Variants in KCNK5 observed in about 807,000 individuals in gnomAD.
KCNK5 encodes the protein potassium two pore domain channel subfamily K member 5.
A neutral mutation model predicts 32.9 loss-of-function variants in KCNK5; 18 were observed. The ratio of observed to expected loss-of-function variants is 0.55; its 90% CI spans 0.38 to 0.81. The LOEUF is 0.81. Among genes scored for constraint, KCNK5 ranks in the 30% least tolerant of loss-of-function variants. KCNK5 has a pLI of 0.00. For missense variants in KCNK5, 507 were observed against 651.0 expected, an observed-to-expected ratio of 0.78 and a Z score of 2.41; for synonymous variants, 276 against 275.3, an observed-to-expected ratio of 1.00 and a Z score of -0.03.
intron 1 of KCNK5, among the ~76,000 whole-genome samples, chr6:39,214,568 G>A (rs1204454633): frequency 6.6e-6 from 1 of 152,184 alleles, no homozygotes; most frequent in Non-Finnish European, 1.5e-5. Flanking sequence ...AGAGAAACAC[G>A]GCTTCATGGT....
chr6:39,213,577 C>G (rs1200521464), intron 1 of KCNK5, among the ~76,000 whole-genome samples: 1 of 152,132 alleles, frequency 6.6e-6, no homozygotes, highest in Non-Finnish European at 1.5e-5. Flanking sequence ...CCAGAGCCCA[C>G]CAGTTCAATA....
intron 1 of KCNK5, among the ~76,000 whole-genome samples, chr6:39,222,010 C>T (rs1390580068): frequency 6.6e-6 from 1 of 152,180 alleles, no homozygotes; most frequent in Non-Finnish European, 1.5e-5. Flanking sequence ...AGGGAGGGCC[C>T]GTTCTGTGTT....
At chr6:39,213,217 TA>T (rs1771371361) in intron 1 of KCNK5, among the ~76,000 whole-genome samples, 1 of 152,226 alleles carries the variant, frequency 6.6e-6, no homozygotes, top group Non-Finnish European at 1.5e-5. Flanking sequence ...TGGAAGTGGG[TA>T]ATGGTACATG....
rs758387678 is a variant in KCNK5, at chr6:39,229,071, A to G, written c.41T>C (p.Phe14Ser). Reference sequence around the variant, plus strand: ...GATCGCCGCCCCGATGGCCAGGTAGAAGATGATGGCCGAGGTGAGCAGAGG... The same window carrying G: ...GATCGCCGCCCCGATGGCCAGGTAGGAGATGATGGCCGAGGTGAGCAGAGG... Reference protein sequence around the residue: ...RGPLLTSAIIFYLAIGAAIFE... With the variant: ...RGPLLTSAIISYLAIGAAIFE... Residue 14 changes from phenylalanine to serine, a missense_variant, in exon 1 of 5, where the codon TTC (phenylalanine) becomes TCC (serine). Coordinates refer to ENST00000359534, the MANE Select transcript of KCNK5 (RefSeq NM_003740.4). The G allele has an allele frequency of 9.9e-6, 16 of 1,614,146 alleles. No individual in the cohort carries two copies. The South Asian group carries it at 1.8e-4, about 18-fold the overall frequency.
In KCNK5 at chr6:39,194,556, C is replaced by A; in HGVS notation, c.465+38G>T. 1 of 1,606,428 alleles carries A rather than the reference C, an allele frequency of 6.2e-7. No homozygotes were observed. Among genetic ancestry groups the A allele is most frequent in the Non-Finnish European group, 8.5e-7 (1 of 1,174,356 alleles). ...TGTCCTCCCCTCACCTGTCATGGTT[C>A]CCCCATCTCTGCCCAACACCCAGGG... On this transcript the variant is annotated intron_variant, in intron 3 of 4. Coordinates refer to ENST00000359534, the MANE Select transcript of KCNK5 (RefSeq NM_003740.4). This position sits in a 1 kb window ranked among gnomAD's most constrained non-coding sequence, Gnocchi z 4.7.
chr6:39,190,727 A>C lies in KCNK5; in HGVS notation c.*163T>G. 1.6e-6 allele frequency: 1 copy of C among 614,106 alleles called. No individual in the cohort carries two copies. The allele number at this position is 614,106 out of a possible 1,614,324, so 38.0% of individuals were successfully genotyped here. ...AGAACAGAGGCCCTGTCCCGGGCATACATCTAGCTGAGGATGATGGAAGGT... is the reference window on the plus strand; with the variant it reads ...AGAACAGAGGCCCTGTCCCGGGCATCCATCTAGCTGAGGATGATGGAAGGT... On this transcript the variant is annotated 3_prime_UTR_variant, in exon 5 of 5. Coordinates refer to ENST00000359534, the MANE Select transcript of KCNK5 (RefSeq NM_003740.4).
intron 1 of KCNK5, among the ~76,000 whole-genome samples, chr6:39,211,104 A>G (rs1771329576): frequency 6.6e-6 from 1 of 152,088 alleles, no homozygotes; most frequent in African/African-American, 2.4e-5. Flanking sequence ...GATAGTTTTC[A>G]CCCTAAGAAG....
intron 1 of KCNK5, among the ~76,000 whole-genome samples, chr6:39,211,366 C>T (rs891087531): frequency 6.6e-6 from 1 of 152,234 alleles, no homozygotes; most frequent in Admixed American, 6.5e-5. Context: ...GCAAGGCAAT[C>T]ACACGGCTTG....
chr6:39,207,798 A>G (rs1268361825), intron 1 of KCNK5, among the ~76,000 whole-genome samples: 1 of 152,134 alleles, frequency 6.6e-6, no homozygotes, highest in Non-Finnish European at 1.5e-5. Flanking sequence ...TGTGGCTGCC[A>G]GTCCTGTTCT....
chr6:39,213,573 C>T (rs1045731935), intron 1 of KCNK5, among the ~76,000 whole-genome samples: 2 of 152,280 alleles, frequency 1.3e-5, no homozygotes, highest in East Asian at 3.9e-4. Context: ...CAGGCCAGAG[C>T]CCACCAGTTC....
At position 39,229,137 on chromosome 6, in the gene KCNK5, G is replaced by C. The variant is rs760785299; in HGVS notation, c.-26C>G. ...GGCTCCCGAGCGGCCGCCTCCTAGAGAAAGCCTCTCCTAGCCCCAGCTGCT... is the reference window on the plus strand; with the variant it reads ...GGCTCCCGAGCGGCCGCCTCCTAGACAAAGCCTCTCCTAGCCCCAGCTGCT... On this transcript the variant is annotated 5_prime_UTR_variant, in exon 1 of 5. Transcript: ENST00000359534. 1 of 1,612,110 alleles carries C rather than the reference G, an allele frequency of 6.2e-7. No individual in the cohort carries two copies. The highest frequency in any genetic ancestry group is 8.5e-7 in the Non-Finnish European group (1 of 1,179,248).
At chr6:39,209,120 G>A (rs1771281655) in intron 1 of KCNK5, among the ~76,000 whole-genome samples, 2 of 152,072 alleles carry the variant, frequency 1.3e-5, no homozygotes, top group South Asian at 2.1e-4. Flanking sequence ...GTATTTAGGA[G>A]TATTACCCTA....
rs183579263 is a variant in KCNK5, at chr6:39,215,648, C to T, written c.186+13278G>A. On this transcript the variant is annotated intron_variant, in intron 1 of 4. Transcript: ENST00000359534. ...CCAAGCCATGTGGGCAAGACTAAAGCGATACCCTCCCAAGGTGCAGACCAC... is the reference window on the plus strand; with the variant it reads ...CCAAGCCATGTGGGCAAGACTAAAGTGATACCCTCCCAAGGTGCAGACCAC... Among the ~76,000 whole-genome samples, 47 of 152,330 alleles carry T rather than the reference C, an allele frequency of 3.1e-4. 3 individuals are homozygous for T. Among genetic ancestry groups the T allele is most frequent in the African/African-American group, 1.1e-3 (44 of 41,578 alleles).
Position 39,194,817 on chromosome 6 carries a change from T to C in KCNK5, c.299-57A>G. The C allele has an allele frequency of 4.1e-6, 6 of 1,470,268 alleles. No homozygotes were observed. The highest frequency in any genetic ancestry group is 4.7e-6 in the Non-Finnish European group (5 of 1,054,070). 91.1% of individuals were successfully genotyped at this position (1,470,268 alleles called of 1,614,324 possible). A position where few individuals can be genotyped will look rare whatever the true frequency, so the allele number is the denominator to read the frequency against. The stretch of plus-strand genomic sequence containing the variant: ...GAGGGGTGGTCAAACCAGTGGGCCT[T>C]GCTTCCAACACACACACAGCCCGTT... On this transcript the variant is annotated intron_variant, in intron 2 of 4. Transcript: ENST00000359534. This position sits in a 1 kb window ranked among gnomAD's most constrained non-coding sequence, Gnocchi z 4.7.
intron 1 of KCNK5, among the ~76,000 whole-genome samples, chr6:39,219,765 AACTGAGCAAGACTGAAATCCACACACTC>A (rs1771507445): frequency 6.6e-6 from 1 of 152,136 alleles, no homozygotes; most frequent in Non-Finnish European, 1.5e-5. Flanking sequence ...GGACACAACA[AACTGAGCAAGACTGAAATCCACACACTC>A]ACTGAGCATC....
At chr6:39,221,956 C>T (rs1771559521) in intron 1 of KCNK5, among the ~76,000 whole-genome samples, 1 of 152,210 alleles carries the variant, frequency 6.6e-6, no homozygotes, top group African/African-American at 2.4e-5. Context: ...GTTAAAGACT[C>T]TCCAATATCT....
In KCNK5 at chr6:39,194,907, C is replaced by G; in HGVS notation, c.299-147G>C. On this transcript the variant is annotated intron_variant, in intron 2 of 4. Coordinates refer to ENST00000359534, the MANE Select transcript of KCNK5 (RefSeq NM_003740.4). This position sits in a 1 kb window ranked among gnomAD's most constrained non-coding sequence, Gnocchi z 4.7. Reference sequence around the variant, plus strand: ...AGTAATGATATTTCCCTTGATCATACTCTGATCATGATCATTGATAAAGCA... The same window carrying G: ...AGTAATGATATTTCCCTTGATCATAGTCTGATCATGATCATTGATAAAGCA... The G allele has an allele frequency of 1.4e-6, 1 of 695,784 alleles. No individual in the cohort carries two copies. Among genetic ancestry groups the G allele is most frequent in the Non-Finnish European group, 2.5e-6 (1 of 408,012 alleles). The allele number at this position is 695,784 out of a possible 1,614,324, so 43.1% of individuals were successfully genotyped here.
chr6:39,212,237 C>A (rs115459741), intron 1 of KCNK5, among the ~76,000 whole-genome samples: 6,779 of 152,302 alleles, frequency 0.045, 192 homozygotes, highest in South Asian at 0.1. Context: ...TAGCAGTGTG[C>A]CAAGATGGCA....
At chr6:39,227,954 C>T (rs1771703944) in intron 1 of KCNK5, among the ~76,000 whole-genome samples, 1 of 152,144 alleles carries the variant, frequency 6.6e-6, no homozygotes, top group African/African-American at 2.4e-5. Context: ...AGAACTTTCA[C>T]CCAGGTCCTG....
Sources: allele counts gnomAD v4.1 joint callset (sites outside exome capture counted in the v4.1 genomes callset), GRCh38; gene constraint gnomAD v4.1.1; non-coding constraint Gnocchi (gnomAD v3.1); transcripts MANE v1.5; gene names NCBI Gene and HGNC (gene_info 2026-07-23, HGNC 2026-07-21).